NEB: variants seen among roughly 807,000 people sequenced by gnomAD.
NEB encodes the protein nemaline myopathy type 2.
In NEB, 512 loss-of-function variants were observed where a neutral mutation model predicts 952.2. That is an observed-to-expected ratio of 0.54 (90% CI 0.50 to 0.58). NEB has a LOEUF of 0.58. Among genes scored for constraint, NEB ranks in the 20% least tolerant of loss-of-function variants. NEB has a pLI of 0.00. For synonymous variants in NEB, 2,900 were observed against 3,149.8 expected (o/e 0.92, Z 2.66); for missense variants, 8,428 against 9,231.1 (o/e 0.91, Z 3.56).
At chr2:151,668,973 A>T in intron 39 of NEB, 54 bp downstream of exon 39, 1 of 1,319,492 alleles carries the variant, frequency 7.6e-7, no homozygotes, top group Non-Finnish European at 1.1e-6. Flanking sequence ...AGTTGCAAAG[A>T]ACCAGAAAGG....
At chr2:151,511,575 C>G (rs1312291155) in intron 161 of NEB, among the ~76,000 whole-genome samples, 1 of 152,178 alleles carries the variant, frequency 6.6e-6, no homozygotes, top group African/African-American at 2.4e-5. Flanking sequence ...TAAAGCACAG[C>G]TAGGGCACGT....
intron 161 of NEB, among the ~76,000 whole-genome samples, chr2:151,511,411 G>C (rs868482104): frequency 6.6e-6 from 1 of 152,030 alleles, no homozygotes. Flanking sequence ...TCCAGTAAAG[G>C]GTTGAAATCC....
chr2:151,610,441 T>C (rs2153974047), intron 80 of NEB, 75 bp downstream of exon 80: 5 of 1,066,114 alleles, frequency 4.7e-6, no homozygotes, highest in Admixed American at 1.8e-5. Flanking sequence ...CACTATAGAG[T>C]GTGTGGTTCA....
chr2:151,707,462 T>G (rs2099711264), intron 12 of NEB, among the ~76,000 whole-genome samples: 1 of 152,206 alleles, frequency 6.6e-6, no homozygotes, highest in South Asian at 2.1e-4. Context: ...ATCCACGCTT[T>G]TATGCCTCAC....
Position 151,646,170 on chromosome 2 carries a change from T to G in NEB, c.7496A>C (p.Asp2499Ala). 1.2e-6 allele frequency: 2 copies of G among 1,604,368 alleles called. No individual in the cohort carries two copies. The highest frequency in any genetic ancestry group is 1.7e-6 in the Non-Finnish European group (2 of 1,175,018). ...TAAGTTTGCTTTAGCCAGAACAATGTCAGGTGTATCAGGCATGATGTGGAT... is the reference window on the plus strand; with the variant it reads ...TAAGTTTGCTTTAGCCAGAACAATGGCAGGTGTATCAGGCATGATGTGGAT... ...TQIHIMPDTP[D>A]IVLAKANLIN... The change falls in exon 55 of 182, where the codon GAC becomes GCC. Residue 2499 changes from aspartate (D) to alanine (A), a missense_variant. Asp to Ala is a moderately radical substitution (Grantham distance 126, BLOSUM62 -2). Coordinates refer to ENST00000397345, the MANE Select transcript of NEB (RefSeq NM_001164508.2).
At position 151,675,365 on chromosome 2, in the gene NEB, A is replaced by G. The variant is rs182725059; in HGVS notation, c.3801T>C (p.Asp1267=). 1.7e-4 allele frequency: 266 copies of G among 1,584,466 alleles called. 1 individual carries two copies. The African/African-American group carries it at 3.1e-3, about 19-fold the overall frequency. ...SDILYKAKGE[D]VKHKYTMSPD... ...GACTCATGGTGTATTTATGTTTCAC[A>G]TCTTCTCCTTTAGCCTTGTATAAGA... Residue 1267 remains aspartate (D), a synonymous_variant, in exon 35 of 182, where the codon GAT becomes GAC. Coordinates refer to ENST00000397345, the MANE Select transcript of NEB (RefSeq NM_001164508.2).
At chr2:151,576,423 C>T in intron 105 of NEB, 69 bp from the exon 106 acceptor site, 2 of 1,039,906 alleles carry the variant, frequency 1.9e-6, no homozygotes, top group African/African-American at 1.8e-5. Context: ...AAAATAAGGA[C>T]AGTTTTTATG....
In NEB at chr2:151,570,535, T is replaced by A. The variant is rs1287787210; in HGVS notation, c.17080A>T (p.Ile5694Phe). 4 of 1,611,552 alleles carry A rather than the reference T, an allele frequency of 2.5e-6. No homozygotes were observed. The highest frequency in any genetic ancestry group is 1.7e-5 in the Admixed American group (1 of 59,754). The change falls in exon 108 of 182, where the codon ATC becomes TTC. Residue 5694 changes from isoleucine to phenylalanine, a missense_variant. Physicochemically the swap from Ile to Phe is conservative, Grantham distance 21 (BLOSUM62 0). Transcript: ENST00000397345. ...TCCCTGGAGGCCTTGGCAGCCTGGATGGGGATGGCATCCAGCCGGACATCA... is the reference window on the plus strand; with the variant it reads ...TCCCTGGAGGCCTTGGCAGCCTGGAAGGGGATGGCATCCAGCCGGACATCA... ...GCDVRLDAIP[I>F]QAAKASREIA...
rs1198737606 is a variant in NEB at position 151,561,264 on chromosome 2, C to T, written c.19045G>A (p.Val6349Ile). The change falls in exon 122 of 182, where the codon GTC becomes ATC. Residue 6349 changes from valine to isoleucine, a missense_variant. By Grantham distance (29) the Val-to-Ile change is conservative (BLOSUM62 3). Around this residue, in one of 11 missense-constraint regions of NEB, gnomAD observed 3,374 missense variants for 3,651.5 expected, o/e 0.92. Transcript: ENST00000397345. ...GKENLQNYNL[V>I]TDTPLYVTAV... is the part of the protein sequence containing the mutation. ...GTCACATAGAGGGGCGTGTCTGTGA[C>T]CAGATTATAGTTTTGTAGATTTTCT... 3.1e-6 allele frequency: 5 copies of T among 1,607,164 alleles called. No individual in the cohort carries two copies. The highest frequency in any genetic ancestry group is 4.3e-6 in the Non-Finnish European group (5 of 1,176,452).
intron 41 of NEB, 128 bp downstream of exon 41, chr2:151,665,961 TA>T: frequency 1.0e-6 from 1 of 963,388 alleles, no homozygotes; most frequent in Non-Finnish European, 1.5e-6. Flanking sequence ...AGTGAAATCC[TA>T]AAACTCTGAG....
Position 151,627,116 on chromosome 2 carries a change from A to G in NEB, c.10233T>C (p.Ala3411=), listed in dbSNP as rs727504033. ...SMDVVKCKRA[A]EILSDNIYRQ... Reference sequence around the variant, plus strand: ...GGTAGATGTTATCACTCAGTATTTCAGCAGCTCTCTTGCACTTGACCACAT... The same window carrying G: ...GGTAGATGTTATCACTCAGTATTTCGGCAGCTCTCTTGCACTTGACCACAT... Residue 3411 remains alanine (A), a synonymous_variant, in exon 70 of 182, where the codon GCT becomes GCC. Coordinates refer to ENST00000397345, the MANE Select transcript of NEB (RefSeq NM_001164508.2). 1.0e-4 allele frequency: 161 copies of G among 1,613,834 alleles called. No individual in the cohort carries two copies. The highest frequency in any genetic ancestry group is 1.6e-4 in the Middle Eastern group (1 of 6,084).
At chr2:151,519,462 A>G (rs1336502843) in intron 154 of NEB, among the ~76,000 whole-genome samples, 196 bp downstream of exon 154, 1 of 152,212 alleles carries the variant, frequency 6.6e-6, no homozygotes, top group East Asian at 1.9e-4. Context: ...AGAGGTTCCC[A>G]GGAGCTGACG....
chr2:151,515,189 TCA>T (rs1381561146), intron 157 of NEB, among the ~76,000 whole-genome samples: 1 of 152,180 alleles, frequency 6.6e-6, no homozygotes, highest in Non-Finnish European at 1.5e-5. Context: ...GGCAGGCCCT[TCA>T]CAGAGTGGAA....
rs370695020 is a variant in NEB at position 151,565,589 on chromosome 2, T to A, written c.18278A>T (p.Asn6093Ile). 1.5e-5 allele frequency: 24 copies of A among 1,594,466 alleles called. No homozygotes were observed. In the African/African-American group the frequency reaches 3.2e-4, roughly 21 times the overall value. The change falls in exon 116 of 182, where the codon AAT becomes ATT. Residue 6093 changes from asparagine (N) to isoleucine (I), a missense_variant. Around this residue, in one of 11 missense-constraint regions of NEB, gnomAD observed 3,374 missense variants for 3,651.5 expected, o/e 0.92. Coordinates refer to ENST00000397345, the MANE Select transcript of NEB (RefSeq NM_001164508.2). The part of the protein sequence containing the change: ...EMMSQIKYKK[N>I]ALENYPNFRS... The stretch of plus-strand genomic sequence containing the variant: ...AAAGTTAGGATAGTTTTCAAGGGCA[T>A]TTTTCTTATATTTGATCTGTAAAGA...
At position 151,629,610 on chromosome 2, in the gene NEB, T is replaced by G. The variant is rs1322326166; in HGVS notation, c.9760A>C (p.Lys3254Gln). Residue 3254 changes from lysine to glutamine, a missense_variant, in exon 68 of 182, where the codon AAA becomes CAA. Physicochemically the swap from Lys to Gln is moderately conservative, Grantham distance 53 (BLOSUM62 1). Transcript: ENST00000397345. ...YKLANEEAKK[K>Q]GYDLRSDAIP... ...GCGTCACTTCGCAAGTCGTAGCCTT[T>G]CTTTTTTGCTTCTTCATTGGCAAGT... The G allele has an allele frequency of 6.2e-7, 1 of 1,613,706 alleles. No individual in the cohort carries two copies. Among genetic ancestry groups the G allele is most frequent in the Non-Finnish European group, 8.5e-7 (1 of 1,179,784 alleles).
At chr2:151,519,791 A>T (rs906873217) in intron 153 of NEB, 23 bp from the exon 154 acceptor site, 1 of 1,467,666 alleles carries the variant, frequency 6.8e-7, no homozygotes, top group Admixed American at 1.7e-5. Flanking sequence ...GCAAACATCC[A>T]AATTATTCCT....
Position 151,674,559 on chromosome 2 carries a change from T to A in NEB, c.3905A>T (p.Asp1302Val). Residue 1302 changes from aspartate (D) to valine (V), a missense_variant, in exon 36 of 182, where the codon GAC becomes GTC. This residue lies in a region of NEB where 2,851 missense variants were observed against 2,791.5 expected (regional missense o/e 1.02). Transcript: ENST00000397345. ...CACATTGTTGCCCTTGGCTATTAAG[T>A]CATACCAATCCCGTTTATAACAGAC... Reference protein sequence around the residue: ...SDVCYKRDWYDLIAKGNNVLG... With the variant: ...SDVCYKRDWYVLIAKGNNVLG... 2 of 1,613,494 alleles carry A rather than the reference T, an allele frequency of 1.2e-6. No homozygotes were observed. The highest frequency in any genetic ancestry group is 1.7e-6 in the Non-Finnish European group (2 of 1,179,466).
chr2:151,607,496 C>T lies in NEB; in HGVS notation c.12639+8G>A, dbSNP rs2153957654. On this transcript the variant is annotated splice_region_variant and intron_variant, in intron 83 of 181. Coordinates refer to ENST00000397345, the MANE Select transcript of NEB (RefSeq NM_001164508.2). ...AAGGCTTTTACACTTCATGTTCGTG[C>T]CACTTACATTGCTGATTTGCAAGGC... is the stretch of plus-strand genomic sequence containing the variant. 9 of 584,696 alleles carry T rather than the reference C, an allele frequency of 1.5e-5. 3 individuals carry two copies. Among genetic ancestry groups the T allele is most frequent in the Non-Finnish European group, 2.0e-5 (7 of 346,384 alleles). The allele number at this position is 584,696 out of a possible 1,614,324, so 36.2% of individuals were successfully genotyped here.
chr2:151,667,901 T>A lies in NEB; in HGVS notation c.4622A>T (p.Lys1541Ile), dbSNP rs1358812903. 1.2e-6 allele frequency: 2 copies of A among 1,610,650 alleles called. No homozygotes were observed. The highest frequency in any genetic ancestry group is 1.7e-5 in the Admixed American group (1 of 59,952). ...NALNMSDAHY[K>I]ADWKKTIAKG... is the part of the protein sequence containing the mutation. ...GGCAATGGTTTTCTTCCAATCTGCT[T>A]TATAATGAGCCTTCAAAAAAGTAGA... is the stretch of plus-strand genomic sequence containing the variant. Residue 1541 changes from lysine (K) to isoleucine (I), a missense_variant, in exon 40 of 182, where the codon AAA becomes ATA. Lys to Ile is a moderately radical substitution (Grantham distance 102, BLOSUM62 -3). Coordinates refer to ENST00000397345, the MANE Select transcript of NEB (RefSeq NM_001164508.2).
Sources: allele counts gnomAD v4.1 joint callset (sites outside exome capture counted in the v4.1 genomes callset), GRCh38; gene constraint gnomAD v4.1.1; regional missense constraint gnomAD v4.1.1; transcripts MANE v1.5; gene names NCBI Gene and HGNC (gene_info 2026-07-23, HGNC 2026-07-21).